PHACTR1: variants seen among roughly 807,000 people sequenced by gnomAD.
PHACTR1 encodes phosphatase and actin regulator 1.
Under a neutral mutation model 69.2 loss-of-function variants are expected in PHACTR1, and 16 were observed. That is an observed-to-expected ratio of 0.23 (90% CI 0.16 to 0.35). PHACTR1 has a LOEUF of 0.35. Ranked by LOEUF, PHACTR1 falls within the 10% of genes least tolerant of loss-of-function variation. The pLI, the probability that PHACTR1 is intolerant of heterozygous loss-of-function variation, is 1.00. For missense variants in PHACTR1, 510 were observed against 734.7 expected (o/e 0.69, Z 3.54); for synonymous variants, 312 against 284.5 (o/e 1.10, Z -0.97).
chr6:12,831,478 T>C (rs1383814636), intron 4 of PHACTR1, among the ~76,000 whole-genome samples: 2 of 151,536 alleles, frequency 1.3e-5, no homozygotes, highest in Non-Finnish European at 3.0e-5. Flanking sequence ...CATAACTCAG[T>C]AGCTGAAATG....
chr6:13,278,413 C>G (rs1246688639), intron 12 of PHACTR1, 84 bp downstream of exon 12: 38 of 1,281,196 alleles, frequency 3.0e-5, no homozygotes, highest in African/African-American at 4.5e-5. Context: ...CCTCAGTGGC[C>G]TCACCGCTGC....
intron 4 of PHACTR1, among the ~76,000 whole-genome samples, chr6:12,922,364 T>C (rs1787810950): frequency 6.6e-6 from 1 of 152,208 alleles, no homozygotes; most frequent in Non-Finnish European, 1.5e-5. Context: ...CGTAGATCAG[T>C]ACACATTAAT....
intron 3 of PHACTR1, among the ~76,000 whole-genome samples, chr6:12,742,815 A>G (rs909148200): frequency 2.0e-5 from 3 of 152,146 alleles, no homozygotes; most frequent in African/African-American, 7.2e-5. Context: ...AAGCATACAT[A>G]TGGCAAGGGT....
chr6:13,010,744 A>T (rs572447598), intron 4 of PHACTR1, among the ~76,000 whole-genome samples: 55 of 152,188 alleles, frequency 3.6e-4, no homozygotes, highest in African/African-American at 1.2e-3. Flanking sequence ...AAGGGATGGG[A>T]AGGAGACTGT....
At chr6:13,128,296 A>G (rs909745443) in intron 5 of PHACTR1, among the ~76,000 whole-genome samples, 3 of 114,450 alleles carry the variant, frequency 2.6e-5, no homozygotes, top group African/African-American at 9.1e-5. Flanking sequence ...AACTAAAAAA[A>G]AAATCTGAAT....
At chr6:12,803,486 C>T (rs9472595) in intron 4 of PHACTR1, among the ~76,000 whole-genome samples, 56,623 of 151,996 alleles carry the variant, frequency 0.37, 11,372 homozygotes, top group African/African-American at 0.51. Context: ...GTCACAAAAA[C>T]GTGCCAAAAC....
chr6:13,283,172 G>C lies in PHACTR1; in HGVS notation c.1510-250G>C, dbSNP rs1780677635. 1.0e-5 allele frequency: 3 copies of C among 301,300 alleles called. No homozygotes were observed. The highest frequency in any genetic ancestry group is 1.8e-5 in the Non-Finnish European group (3 of 168,308). The allele number at this position is 301,300 out of a possible 1,614,324, so 18.7% of individuals were successfully genotyped here. ...TTTTTTAAGTTTAAAAAAAAAAAGAGCTTGGCCTAGAGGGTATGTAAGGGA... is the reference window on the plus strand; with the variant it reads ...TTTTTTAAGTTTAAAAAAAAAAAGACCTTGGCCTAGAGGGTATGTAAGGGA... On this transcript the variant is annotated intron_variant, in intron 12 of 14. Transcript: ENST00000332995. This position sits in a 1 kb window ranked among gnomAD's most constrained non-coding sequence, Gnocchi z 4.7.
chr6:13,170,645 C>T (rs185740640), intron 6 of PHACTR1, among the ~76,000 whole-genome samples: 136 of 152,324 alleles, frequency 8.9e-4, no homozygotes, highest in African/African-American at 2.2e-3. Flanking sequence ...CAATGGGGCA[C>T]GCCACCCAAT....
chr6:13,176,246 G>A (rs1761306436), intron 6 of PHACTR1, among the ~76,000 whole-genome samples: 1 of 152,162 alleles, frequency 6.6e-6, no homozygotes, highest in Non-Finnish European at 1.5e-5. Flanking sequence ...TCTATATCAT[G>A]CCAGATTCAC....
At chr6:12,883,899 T>A (rs2127458943) in intron 4 of PHACTR1, among the ~76,000 whole-genome samples, 1 of 152,238 alleles carries the variant, frequency 6.6e-6, no homozygotes, top group African/African-American at 2.4e-5. Context: ...TATTTCTTCA[T>A]CTGCCCACTC....
intron 4 of PHACTR1, among the ~76,000 whole-genome samples, chr6:12,776,321 AATT>A (rs1352277263): frequency 3.5e-4 from 53 of 152,244 alleles, no homozygotes; most frequent in African/African-American, 1.2e-3. Flanking sequence ...TTTACAATTT[AATT>A]TGGTCCAAAA....
At chr6:12,814,798 T>A (rs1185152402) in intron 4 of PHACTR1, among the ~76,000 whole-genome samples, 1 of 152,202 alleles carries the variant, frequency 6.6e-6, no homozygotes, top group African/African-American at 2.4e-5. Context: ...TCCATGGACA[T>A]TAATCCCCCA....
chr6:12,953,961 G>C (rs1405241483), intron 4 of PHACTR1, among the ~76,000 whole-genome samples: 1 of 152,196 alleles, frequency 6.6e-6, no homozygotes, highest in Non-Finnish European at 1.5e-5. Context: ...AGTTGAATGT[G>C]ATAAAAGTTA....
At chr6:12,853,309 C>T (rs1561946459) in intron 4 of PHACTR1, among the ~76,000 whole-genome samples, 1 of 152,176 alleles carries the variant, frequency 6.6e-6, no homozygotes, top group Admixed American at 6.5e-5. Flanking sequence ...TATTCATGGA[C>T]TCAGCCTCAG....
At chr6:12,921,623 A>G (rs1582495399) in intron 4 of PHACTR1, among the ~76,000 whole-genome samples, 1 of 91,818 alleles carries the variant, frequency 1.1e-5, no homozygotes, top group Non-Finnish European at 2.1e-5. Flanking sequence ...GAAGAAAGGG[A>G]GGAAGGAGAG....
intron 4 of PHACTR1, among the ~76,000 whole-genome samples, chr6:12,822,259 C>T (rs1317458891): frequency 6.6e-6 from 1 of 152,198 alleles, no homozygotes; most frequent in Non-Finnish European, 1.5e-5. Context: ...TGGCCTGGAG[C>T]TGTTCTACAT....
At chr6:12,728,077 C>T (rs1229922818) in intron 3 of PHACTR1, among the ~76,000 whole-genome samples, 1 of 152,028 alleles carries the variant, frequency 6.6e-6, no homozygotes, top group African/African-American at 2.4e-5. Context: ...TTTGGGAGGC[C>T]GAGGCTGGTG....
At chr6:13,170,771 T>G (rs1583700315) in intron 6 of PHACTR1, among the ~76,000 whole-genome samples, 1 of 152,196 alleles carries the variant, frequency 6.6e-6, no homozygotes, top group Non-Finnish European at 1.5e-5. Context: ...CTCTCTAGAC[T>G]CTGGTTTCTG....
At position 13,198,341 on chromosome 6, in the gene PHACTR1, C is replaced by T. The variant is rs186548943; in HGVS notation, c.665-7474C>T. Among the ~76,000 whole-genome samples the T allele has an allele frequency of 4.6e-4, 70 of 152,244 alleles. No individual in the cohort carries two copies. The East Asian group carries it at 0.012, about 25-fold the overall frequency. ...AGGCCTTGGGGGTCCCATGGGCAGG[C>T]GCCTCAGCCAGCCTCGGGATGATGG... On this transcript the variant is annotated intron_variant, in intron 7 of 14. Coordinates refer to ENST00000332995, the MANE Select transcript of PHACTR1 (RefSeq NM_030948.6).
Sources: allele counts gnomAD v4.1 joint callset (sites outside exome capture counted in the v4.1 genomes callset), GRCh38; gene constraint gnomAD v4.1.1; non-coding constraint Gnocchi (gnomAD v3.1); transcripts MANE v1.5; gene names NCBI Gene and HGNC (gene_info 2026-07-23, HGNC 2026-07-21).